The following HS3ST4 variants were observed in gnomAD, a reference collection of about 807,000 sequenced individuals.
The protein encoded by HS3ST4 is heparan sulfate-glucosamine 3-sulfotransferase 4.
A neutral mutation model predicts 29.2 loss-of-function variants in HS3ST4; 17 were observed. That is an observed-to-expected ratio of 0.58 (90% CI 0.40 to 0.87). HS3ST4 has a LOEUF of 0.87. Ranked by LOEUF, HS3ST4 falls within the 40% of genes least tolerant of loss-of-function variation. The pLI, the probability that HS3ST4 is intolerant of heterozygous loss-of-function variation, is 0.00. For missense variants in HS3ST4, 627 were observed against 634.5 expected, an observed-to-expected ratio of 0.99 and a Z score of 0.13; for synonymous variants, 314 against 285.7, an observed-to-expected ratio of 1.10 and a Z score of -1.00.
chr16:25,808,651 C>G (rs973318673), intron 1 of HS3ST4, among the ~76,000 whole-genome samples: 65 of 152,252 alleles, frequency 4.3e-4, no homozygotes, highest in African/African-American at 1.4e-3. Flanking sequence ...CTACAAAAAC[C>G]TTGTGCAGTT....
intron 1 of HS3ST4, among the ~76,000 whole-genome samples, chr16:25,877,956 G>T (rs1228612747): frequency 6.6e-6 from 1 of 152,132 alleles, no homozygotes; most frequent in Non-Finnish European, 1.5e-5. Context: ...GTCAAAAGCA[G>T]TCAGGTAAAC....
chr16:26,120,075 G>GTGTA (rs1899254024), intron 1 of HS3ST4, among the ~76,000 whole-genome samples: 2 of 102,918 alleles, frequency 1.9e-5, no homozygotes, highest in Non-Finnish European at 4.3e-5. Context: ...GTGTGTATGT[G>GTGTA]TGTGTGTGTG....
At chr16:25,989,146 G>A (rs1204456989) in intron 1 of HS3ST4, among the ~76,000 whole-genome samples, 3 of 152,208 alleles carry the variant, frequency 2.0e-5, no homozygotes, top group Non-Finnish European at 2.9e-5. Context: ...AATCTGGCTT[G>A]AACAGTGGGC....
chr16:25,767,824 G>A (rs1966830685), intron 1 of HS3ST4, among the ~76,000 whole-genome samples: 1 of 152,224 alleles, frequency 6.6e-6, no homozygotes, highest in Non-Finnish European at 1.5e-5. Context: ...TGCACAGCTA[G>A]TGAGTGCCAA....
intron 1 of HS3ST4, among the ~76,000 whole-genome samples, chr16:26,131,180 C>T (rs1353315213): frequency 6.6e-6 from 1 of 152,150 alleles, no homozygotes; most frequent in East Asian, 1.9e-4. Context: ...ACCCAGGCCC[C>T]CCACCATTTC....
chr16:25,741,705 G>A (rs951918866), intron 1 of HS3ST4, among the ~76,000 whole-genome samples: 2 of 152,128 alleles, frequency 1.3e-5, no homozygotes, highest in Non-Finnish European at 2.9e-5. Context: ...TTGCTCTTGA[G>A]TTTATGCTGT....
intron 1 of HS3ST4, among the ~76,000 whole-genome samples, chr16:25,848,178 G>T (rs919158086): frequency 5.9e-5 from 9 of 151,854 alleles, no homozygotes; most frequent in Non-Finnish European, 1.0e-4. Flanking sequence ...TTGCTCTGCT[G>T]CCTAGGCTGG....
chr16:26,063,830 G>A (rs903332009), intron 1 of HS3ST4, among the ~76,000 whole-genome samples: 5 of 152,120 alleles, frequency 3.3e-5, no homozygotes, highest in Non-Finnish European at 7.4e-5. Context: ...TGCATGGGCC[G>A]GGGACACAGA....
chr16:26,019,802 T>C lies in HS3ST4; in HGVS notation c.735-115810T>C, dbSNP rs543048079. 1.2e-4 allele frequency among the ~76,000 whole-genome samples: 19 copies of C among 152,334 alleles called. No homozygotes were observed. In the South Asian group the frequency reaches 3.7e-3, roughly 30 times the overall value. ...GCAGTTTTCAGTGAGATGTGAACTC[T>C]ATCCCTGTCCAAGCCGTTTGGTTCA... On this transcript the variant is annotated intron_variant, in intron 1 of 1. Transcript: ENST00000331351.
rs74014123 is a variant in HS3ST4, at chr16:25,846,973, C to T, written c.734+153822C>T. Reference sequence around the variant, plus strand: ...TATAGTCTAATGCTAATGTCTAAAACAGCACATACACTTCCTATTTTGCTC... The same window carrying T: ...TATAGTCTAATGCTAATGTCTAAAATAGCACATACACTTCCTATTTTGCTC... On this transcript the variant is annotated intron_variant, in intron 1 of 1. Coordinates refer to ENST00000331351, the MANE Select transcript of HS3ST4 (RefSeq NM_006040.3). 4.8e-3 allele frequency among the ~76,000 whole-genome samples: 726 copies of T among 151,090 alleles called. 10 individuals are homozygous for T. Among genetic ancestry groups the T allele is most frequent in the African/African-American group, 0.017 (686 of 41,178 alleles).
intron 1 of HS3ST4, among the ~76,000 whole-genome samples, chr16:25,879,312 C>T (rs952951361): frequency 2.6e-5 from 4 of 152,096 alleles, no homozygotes; most frequent in Non-Finnish European, 5.9e-5. Context: ...TTGATGTTGG[C>T]CACTGTATTA....
rs1325258886 is a variant in HS3ST4 at position 25,981,503 on chromosome 16, T to C, written c.735-154109T>C. ...AATAGAAAGACACGCTTAATACACC[T>C]GCCCTCATTTCACACCTGAGCTCAG... On this transcript the variant is annotated intron_variant, in intron 1 of 1. Transcript: ENST00000331351. Among the ~76,000 whole-genome samples, 3 of 151,958 alleles carry C rather than the reference T, an allele frequency of 2.0e-5. No individual in the cohort carries two copies. The East Asian group carries it at 5.8e-4, about 29-fold the overall frequency.
In HS3ST4 at chr16:25,898,230, C is replaced by G. The variant is rs570014774; in HGVS notation, c.734+205079C>G. On this transcript the variant is annotated intron_variant, in intron 1 of 1. Transcript: ENST00000331351. ...TCCAATCTCTCACCCTCAAACTCACCTTGCTTGCAAACTGAAAATGACTTT... is the reference window on the plus strand; with the variant it reads ...TCCAATCTCTCACCCTCAAACTCACGTTGCTTGCAAACTGAAAATGACTTT... Among the ~76,000 whole-genome samples the G allele has an allele frequency of 2.6e-5, 4 of 152,348 alleles. No homozygotes were observed. In the East Asian group the frequency reaches 7.7e-4, roughly 29 times the overall value.
At chr16:25,857,130 GC>G (rs1324198833) in intron 1 of HS3ST4, among the ~76,000 whole-genome samples, 1 of 152,164 alleles carries the variant, frequency 6.6e-6, no homozygotes, top group Non-Finnish European at 1.5e-5. Context: ...CTTAGGAGTT[GC>G]TCACTCTCAT....
rs370619172 is a variant in HS3ST4 at position 25,982,276 on chromosome 16, G to A, written c.735-153336G>A. Among the ~76,000 whole-genome samples, 19 of 152,252 alleles carry A rather than the reference G, an allele frequency of 1.2e-4. No homozygotes were observed. In the South Asian group the frequency reaches 3.1e-3, roughly 25 times the overall value. On this transcript the variant is annotated intron_variant, in intron 1 of 1. Coordinates refer to ENST00000331351, the MANE Select transcript of HS3ST4 (RefSeq NM_006040.3). The stretch of plus-strand genomic sequence containing the variant: ...CCAGCTGGGTTTTGAATTCTTTGAC[G>A]TTCTAATAGTTACTCTTTGACAAAT...
intron 1 of HS3ST4, among the ~76,000 whole-genome samples, chr16:26,051,159 T>G (rs977016655): frequency 3.9e-5 from 6 of 152,150 alleles, no homozygotes; most frequent in Non-Finnish European, 8.8e-5. Flanking sequence ...GGAAACTCTC[T>G]AAGTCAGACT....
At chr16:25,987,482 T>C (rs1165816172) in intron 1 of HS3ST4, among the ~76,000 whole-genome samples, 1 of 152,196 alleles carries the variant, frequency 6.6e-6, no homozygotes, top group Non-Finnish European at 1.5e-5. Context: ...GAAAATTGAA[T>C]TCCAAAACGG....
At chr16:26,009,020 G>A (rs989822824) in intron 1 of HS3ST4, among the ~76,000 whole-genome samples, 8 of 152,178 alleles carry the variant, frequency 5.3e-5, no homozygotes, top group African/African-American at 1.4e-4. Flanking sequence ...TCATCAGAGC[G>A]ACACAGGCCT....
intron 1 of HS3ST4, among the ~76,000 whole-genome samples, chr16:25,839,540 A>C (rs977702490): frequency 1.3e-5 from 2 of 152,298 alleles, no homozygotes; most frequent in Non-Finnish European, 2.9e-5. Context: ...TAGCATTCTC[A>C]TTGAGTGATC....
Sources: gnomAD v4.1 joint callset for allele counts (sites outside exome capture counted in the v4.1 genomes callset) on GRCh38, gnomAD v4.1.1 for gene constraint, MANE v1.5 for transcripts, NCBI Gene and HGNC (gene_info 2026-07-23, HGNC 2026-07-21) for gene names.